The following TEX29 variants were observed in gnomAD, a reference collection of about 807,000 sequenced individuals.
The protein encoded by TEX29 is testis-expressed protein 29.
In TEX29, 26 loss-of-function variants were observed where a neutral mutation model predicts 18.2. That is an observed-to-expected ratio of 1.43 (90% CI 1.04 to 1.98). The LOEUF (loss-of-function observed/expected upper bound fraction) is 1.98, where lower values mean the gene tolerates loss of function less well. Among genes scored for constraint, TEX29 ranks in the 30% most tolerant of loss-of-function variants. The pLI is 0.00. For missense variants in TEX29, 177 were observed against 194.2 expected, an observed-to-expected ratio of 0.91 and a Z score of 0.53; for synonymous variants, 83 against 78.5, an observed-to-expected ratio of 1.06 and a Z score of -0.31.
chr13:111,335,607 G>A (rs1458397655), intron 3 of TEX29, among the ~76,000 whole-genome samples: 1 of 152,146 alleles, frequency 6.6e-6, no homozygotes, highest in East Asian at 1.9e-4. Context: ...TCATAGAGTT[G>A]GACTTCTTAC....
rs533677931 is a variant in TEX29, at chr13:111,327,345, G to C, written c.59-838G>C. On this transcript the variant is annotated intron_variant, in intron 2 of 5. Transcript: ENST00000283547. ...GGAACACAAATGGGGCTCCTCAAGG[G>C]TCAAGAAGGCCGGGCAGCTCCCCTC... Among the ~76,000 whole-genome samples, 153 of 152,332 alleles carry C rather than the reference G, an allele frequency of 1.0e-3. 1 individual carries two copies. The highest frequency in any genetic ancestry group is 3.5e-3 in the African/African-American group (146 of 41,586).
At chr13:111,342,642 T>C (rs555161034) in intron 4 of TEX29, 114 bp from the exon 5 acceptor site, 5 of 924,694 alleles carry the variant, frequency 5.4e-6, no homozygotes, top group African/African-American at 5.1e-5. Context: ...AAAATAAGTA[T>C]GCATGATCAG....
chr13:111,329,166 C>T (rs1221178751), intron 3 of TEX29, among the ~76,000 whole-genome samples: 2 of 152,102 alleles, frequency 1.3e-5, no homozygotes, highest in East Asian at 3.9e-4. Flanking sequence ...TAAAGGGGCT[C>T]TTTGTGCTGC....
rs552022717 is a variant in TEX29 at position 111,323,399 on chromosome 13, G to A, written c.58+2451G>A. Among the ~76,000 whole-genome samples the A allele has an allele frequency of 3.3e-5, 5 of 152,346 alleles. No individual in the cohort carries two copies. The East Asian group carries it at 5.8e-4, about 18-fold the overall frequency. On this transcript the variant is annotated intron_variant, in intron 2 of 5. Coordinates refer to ENST00000283547, the MANE Select transcript of TEX29 (RefSeq NM_152324.3). ...CTGGCTGGAGGCTCTGCCTTACTGC[G>A]GGGATACAGCCTCGGCTGCTGCCTG...
chr13:111,326,648 C>T lies in TEX29; in HGVS notation c.59-1535C>T, dbSNP rs28431270. Among the ~76,000 whole-genome samples the T allele has an allele frequency of 1.9e-3, 179 of 94,998 alleles. 7 individuals are homozygous for T. The highest frequency in any genetic ancestry group is 2.6e-3 in the Non-Finnish European group (122 of 47,292). The allele number at this position is 94,998 out of a possible 152,430, so 62.3% of individuals were successfully genotyped here. A position where few individuals can be genotyped will look rare whatever the true frequency, so the allele number is the denominator to read the frequency against. Reference sequence around the variant, plus strand: ...GGGGTGGAGGAGACCACGGGCAGTGCGAGCCTGTCTGGTGGGGTGGAGACT... The same window carrying T: ...GGGGTGGAGGAGACCACGGGCAGTGTGAGCCTGTCTGGTGGGGTGGAGACT... On this transcript the variant is annotated intron_variant, in intron 2 of 5. Coordinates refer to ENST00000283547, the MANE Select transcript of TEX29 (RefSeq NM_152324.3).
At chr13:111,327,879 C>T (rs1008481411) in intron 2 of TEX29, among the ~76,000 whole-genome samples, 10 of 152,268 alleles carry the variant, frequency 6.6e-5, no homozygotes, top group Non-Finnish European at 1.2e-4. Flanking sequence ...GTGTGAGCCC[C>T]GCGCTTCTGT....
intron 3 of TEX29, among the ~76,000 whole-genome samples, chr13:111,330,303 G>GA (rs1202986701): frequency 1.3e-5 from 2 of 152,152 alleles, no homozygotes; most frequent in Non-Finnish European, 1.5e-5. Flanking sequence ...CTCCAGAGAG[G>GA]GTGTCTGTCC....
chr13:111,318,637 G>T (rs1343256287), upstream of TEX29, among the ~76,000 whole-genome samples: 5 of 152,178 alleles, frequency 3.3e-5, no homozygotes, highest in African/African-American at 1.2e-4. Context: ...TCCTTCCCCG[G>T]AAGCTCATTG....
At chr13:111,338,566 G>A (rs1401169162) in intron 3 of TEX29, among the ~76,000 whole-genome samples, 1 of 152,174 alleles carries the variant, frequency 6.6e-6, no homozygotes, top group Non-Finnish European at 1.5e-5. Flanking sequence ...TACATCTGAT[G>A]GTGTTGTTAC....
intron 3 of TEX29, 116 bp from the exon 4 acceptor site, chr13:111,339,747 A>G (rs2093694670): frequency 2.1e-6 from 2 of 940,498 alleles, no homozygotes; most frequent in East Asian, 2.5e-5. Context: ...AGTGCTGACC[A>G]TGGGCAGCCG....
At chr13:111,333,337 C>A (rs1002933718) in intron 3 of TEX29, among the ~76,000 whole-genome samples, 1 of 152,140 alleles carries the variant, frequency 6.6e-6, no homozygotes, top group African/African-American at 2.4e-5. Context: ...TCTGGACTTT[C>A]ATTATGTGTA....
At chr13:111,339,622 G>A (rs928767227) in intron 3 of TEX29, among the ~76,000 whole-genome samples, 3 of 152,054 alleles carry the variant, frequency 2.0e-5, no homozygotes, top group Non-Finnish European at 4.4e-5. Context: ...CCTCTGGGTG[G>A]CACTGACTAC....
In TEX29 at chr13:111,320,949, G is replaced by A. The variant is rs2093663213; in HGVS notation, c.58+1G>A. 1 of 1,314,372 alleles carries A rather than the reference G, an allele frequency of 7.6e-7. No individual in the cohort carries two copies. The highest frequency in any genetic ancestry group is 1.0e-6 in the Non-Finnish European group (1 of 955,896). The allele number at this position is 1,314,372 out of a possible 1,614,324, so 81.4% of individuals were successfully genotyped here. A position where few individuals can be genotyped will look rare whatever the true frequency, so the allele number is the denominator to read the frequency against. ...CGGCACCTCCTGAAGCAATTCACAG[G>A]TATGGAGGGAAGGCGCCAGGGGGGC... On this transcript the variant is annotated splice_donor_variant, in intron 2 of 5. Transcript: ENST00000283547. LOFTEE classifies it high-confidence loss of function.
At chr13:111,320,612 T>G, upstream of TEX29, 3 of 523,006 alleles carry the variant, frequency 5.7e-6, no homozygotes, top group South Asian at 4.4e-5. Context: ...GCGGGCGGGG[T>G]GGTGTGTGCC....
intron 3 of TEX29, among the ~76,000 whole-genome samples, chr13:111,333,155 A>G (rs1257058189): frequency 6.6e-6 from 1 of 151,966 alleles, no homozygotes; most frequent in Non-Finnish European, 1.5e-5. Context: ...TGCTTTCAAG[A>G]TTCTCTCTTT....
At chr13:111,318,192 A>G (rs1410855102), upstream of TEX29, among the ~76,000 whole-genome samples, 1 of 152,130 alleles carries the variant, frequency 6.6e-6, no homozygotes, top group Non-Finnish European at 1.5e-5. Context: ...TCAAGTTGTT[A>G]GCCAAGTCCG....
intron 3 of TEX29, among the ~76,000 whole-genome samples, chr13:111,339,006 G>C (rs1389648557): frequency 2.0e-5 from 3 of 152,206 alleles, no homozygotes; most frequent in Non-Finnish European, 2.9e-5. Context: ...GCACAGACAG[G>C]GCCCTGCCTG....
intron 5 of TEX29, 109 bp downstream of exon 5, chr13:111,343,040 T>C: frequency 7.7e-7 from 1 of 1,290,422 alleles, no homozygotes; most frequent in Non-Finnish European, 1.1e-6. Flanking sequence ...CCCTTCAACC[T>C]CAGTGATCAG....
intron 3 of TEX29, among the ~76,000 whole-genome samples, chr13:111,329,746 A>G (rs530543691): frequency 1.2e-4 from 18 of 152,208 alleles, no homozygotes; most frequent in Admixed American, 7.8e-4. Context: ...TGGGAGGCAC[A>G]TGGGAGGGGT....
Sources: gnomAD v4.1 joint callset for allele counts (sites outside exome capture counted in the v4.1 genomes callset) on GRCh38, gnomAD v4.1.1 for gene constraint, MANE v1.5 for transcripts, NCBI Gene and HGNC (gene_info 2026-07-23, HGNC 2026-07-21) for gene names.